The following SUGCT variants were observed in gnomAD, a reference collection of about 807,000 sequenced individuals.
SUGCT encodes the protein succinyl-CoA:glutarate-CoA transferase.
SUGCT carries 41 observed loss-of-function variants against 55.0 expected under a neutral mutation model. The ratio of observed to expected loss-of-function variants is 0.74; its 90% CI spans 0.58 to 0.97. The LOEUF is 0.97. Among genes scored for constraint, SUGCT ranks in the 50% least tolerant of loss-of-function variants. SUGCT has a pLI of 0.00. For synonymous variants in SUGCT, 187 were observed against 200.4 expected (o/e 0.93, Z 0.56); for missense variants, 568 against 547.8 (o/e 1.04, Z -0.37).
chr7:40,631,029 C>T (rs1483743049), intron 12 of SUGCT, among the ~76,000 whole-genome samples: 2 of 152,202 alleles, frequency 1.3e-5, no homozygotes, highest in Non-Finnish European at 2.9e-5. Context: ...GGTTACTTGA[C>T]ATTCTTACCC....
At chr7:40,663,153 T>C (rs570544543) in intron 12 of SUGCT, among the ~76,000 whole-genome samples, 2 of 152,324 alleles carry the variant, frequency 1.3e-5, no homozygotes, top group East Asian at 1.9e-4. Context: ...CATACTGCAA[T>C]GAAGAATTAT....
chr7:40,872,620 C>T, the SUGCT span, among the ~76,000 whole-genome samples: 1 of 152,254 alleles, frequency 6.6e-6, no homozygotes, highest in South Asian at 2.1e-4. Flanking sequence ...TTTCTAAGAT[C>T]CATATTTTGA....
chr7:41,009,517 T>C, the SUGCT span, among the ~76,000 whole-genome samples: 1 of 151,864 alleles, frequency 6.6e-6, no homozygotes, highest in Non-Finnish European at 1.5e-5. Flanking sequence ...CCTTCCTTCC[T>C]TCCATCCACC....
At chr7:40,421,733 G>T (rs3890819) in intron 9 of SUGCT, among the ~76,000 whole-genome samples, 86,561 of 151,866 alleles carry the variant, frequency 0.57, 24,904 homozygotes, top group South Asian at 0.65. Flanking sequence ...TGGGAGATGG[G>T]ACCTAACTAA....
At chr7:40,565,432 C>T (rs767217328) in intron 12 of SUGCT, among the ~76,000 whole-genome samples, 1 of 152,186 alleles carries the variant, frequency 6.6e-6, no homozygotes, top group Non-Finnish European at 1.5e-5. Flanking sequence ...TAAGTTTCTG[C>T]TGGGGCATAG....
At chr7:40,172,057 G>C (rs1361565711) in intron 1 of SUGCT, among the ~76,000 whole-genome samples, 1 of 151,906 alleles carries the variant, frequency 6.6e-6, no homozygotes, top group Non-Finnish European at 1.5e-5. Context: ...GTGGAAGGAC[G>C]TTAGCTTGTT....
the SUGCT span, among the ~76,000 whole-genome samples, chr7:40,875,279 C>A: frequency 6.6e-6 from 1 of 152,168 alleles, no homozygotes; most frequent in South Asian, 2.1e-4. Context: ...AGAAATCTTT[C>A]TTTCAGAAAT....
At chr7:40,439,074 A>ATGTGTGTG (rs746023700) in intron 9 of SUGCT, among the ~76,000 whole-genome samples, 1,382 of 82,456 alleles carry the variant, frequency 0.017, 155 homozygotes, top group Non-Finnish European at 0.022. Flanking sequence ...GTATATATAT[A>ATGTGTGTG]TATATATATA....
At chr7:40,879,936 C>A in the SUGCT span, among the ~76,000 whole-genome samples, 1 of 152,120 alleles carries the variant, frequency 6.6e-6, no homozygotes, top group South Asian at 2.1e-4. Context: ...GCTTACCTGC[C>A]ATTGGTCAAA....
intron 7 of SUGCT, among the ~76,000 whole-genome samples, chr7:40,248,107 G>A (rs1019997274): frequency 7.3e-5 from 11 of 151,328 alleles, no homozygotes; most frequent in Middle Eastern, 3.4e-3. Flanking sequence ...TGCCTCCTGG[G>A]TTCAAGCGAT....
intron 12 of SUGCT, among the ~76,000 whole-genome samples, chr7:40,735,577 A>T (rs1787111953): frequency 6.6e-6 from 1 of 152,192 alleles, no homozygotes; most frequent in Non-Finnish European, 1.5e-5. Flanking sequence ...TTTATGGGCC[A>T]TAAGAAATGA....
chr7:40,691,979 G>A (rs74721923), intron 12 of SUGCT, among the ~76,000 whole-genome samples: 4,304 of 152,114 alleles, frequency 0.028, 216 homozygotes, highest in African/African-American at 0.098. Flanking sequence ...ATAAACAGAG[G>A]TTCATGGAGG....
intron 9 of SUGCT, among the ~76,000 whole-genome samples, chr7:40,397,228 A>C (rs1041460411): frequency 5.4e-4 from 82 of 152,228 alleles, no homozygotes; most frequent in South Asian, 1.0e-3. Flanking sequence ...CTGTGGTTGG[A>C]ACTTTGCTTA....
chr7:40,200,183 C>A (rs952382794), intron 6 of SUGCT, among the ~76,000 whole-genome samples: 5 of 152,166 alleles, frequency 3.3e-5, no homozygotes, highest in African/African-American at 1.2e-4. Context: ...TACCCCCAAA[C>A]AACTATTTCT....
intron 13 of SUGCT, among the ~76,000 whole-genome samples, chr7:40,772,530 C>CTATG (rs1340030704): frequency 6.6e-6 from 1 of 151,216 alleles, no homozygotes; most frequent in Non-Finnish European, 1.5e-5. Flanking sequence ...ATCTATCTAT[C>CTATG]TATCTATCTA....
At chr7:41,037,582 C>G in the SUGCT span, among the ~76,000 whole-genome samples, 2 of 151,228 alleles carry the variant, frequency 1.3e-5, no homozygotes, top group African/African-American at 2.4e-5. Flanking sequence ...TCTTAACTAA[C>G]CTGGAAAAGT....
At chr7:40,159,937 T>G (rs985589010) in intron 1 of SUGCT, among the ~76,000 whole-genome samples, 1 of 152,138 alleles carries the variant, frequency 6.6e-6, no homozygotes, top group Non-Finnish European at 1.5e-5. Flanking sequence ...GGCAGAAACT[T>G]TGTGTGTTTC....
intron 1 of SUGCT, among the ~76,000 whole-genome samples, chr7:40,137,821 A>G (rs1473849647): frequency 6.6e-6 from 1 of 151,986 alleles, no homozygotes; most frequent in Non-Finnish European, 1.5e-5. Context: ...AGCTGAAACC[A>G]GAAGTGTGTG....
At chr7:40,819,522 T>C (rs1251282012) in intron 13 of SUGCT, among the ~76,000 whole-genome samples, 1 of 152,230 alleles carries the variant, frequency 6.6e-6, no homozygotes, top group African/African-American at 2.4e-5. Context: ...TGCTGAGCAT[T>C]TTTTCATGTG....
Sources: gnomAD v4.1 joint callset for allele counts (sites outside exome capture counted in the v4.1 genomes callset) on GRCh38, gnomAD v4.1.1 for gene constraint, MANE v1.5 for transcripts, NCBI Gene and HGNC (gene_info 2026-07-23, HGNC 2026-07-21) for gene names.